SYK: variants seen among roughly 807,000 people sequenced by gnomAD.
SYK encodes the protein tyrosine-protein kinase SYK.
Under a neutral mutation model 77.8 loss-of-function variants are expected in SYK, and 16 were observed. The observed-to-expected ratio is 0.21, with a 90% CI of 0.14 to 0.31. SYK has a LOEUF of 0.31. Among genes scored for constraint, SYK ranks in the 10% least tolerant of loss-of-function variants. The pLI is 1.00. For missense variants in SYK, 529 were observed against 814.4 expected, an observed-to-expected ratio of 0.65 and a Z score of 4.26; for synonymous variants, 312 against 308.7, an observed-to-expected ratio of 1.01 and a Z score of -0.11.
At chr9:90,815,165 G>T (rs1251414316) in intron 1 of SYK, among the ~76,000 whole-genome samples, 2 of 151,954 alleles carry the variant, frequency 1.3e-5, no homozygotes, top group African/African-American at 2.4e-5. Flanking sequence ...TTGAAAAGAA[G>T]ATGTAGAGAG....
intron 1 of SYK, among the ~76,000 whole-genome samples, chr9:90,807,979 T>C (rs914573118): frequency 1.3e-5 from 2 of 152,234 alleles, no homozygotes; most frequent in African/African-American, 2.4e-5. Context: ...ACTTTCTTTT[T>C]ATTAATATGT....
At chr9:90,890,442 A>G (rs978835914) in intron 13 of SYK, among the ~76,000 whole-genome samples, 1 of 152,370 alleles carries the variant, frequency 6.6e-6, no homozygotes, top group African/African-American at 2.4e-5. Context: ...GTAGAGCAGT[A>G]GAACAGTCTC....
chr9:90,865,024 A>G (rs1827427669), intron 5 of SYK, 24 bp from the exon 6 acceptor site: 3 of 1,613,522 alleles, frequency 1.9e-6, no homozygotes, highest in Non-Finnish European at 1.7e-6. Flanking sequence ...TAGAGCAGTA[A>G]TTGTCCATGC....
intron 1 of SYK, among the ~76,000 whole-genome samples, chr9:90,824,787 T>C (rs1189154738): frequency 6.6e-6 from 1 of 150,968 alleles, no homozygotes; most frequent in Non-Finnish European, 1.5e-5. Flanking sequence ...GGTGAGAGAC[T>C]GAACACTGTC....
At chr9:90,833,451 C>T (rs1587834638) in intron 1 of SYK, among the ~76,000 whole-genome samples, 1 of 152,102 alleles carries the variant, frequency 6.6e-6, no homozygotes, top group Non-Finnish European at 1.5e-5. Flanking sequence ...GTCAGGTGGG[C>T]CTATAGAGCT....
chr9:90,887,585 TA>T (rs1327058304), intron 11 of SYK, among the ~76,000 whole-genome samples, 163 bp from the exon 12 acceptor site: 1 of 152,036 alleles, frequency 6.6e-6, no homozygotes, highest in Non-Finnish European at 1.5e-5. Flanking sequence ...TTTGTATTTT[TA>T]ATAGAGATGG....
chr9:90,848,965 G>T (rs573479280), intron 3 of SYK, among the ~76,000 whole-genome samples: 3 of 152,252 alleles, frequency 2.0e-5, no homozygotes, highest in Non-Finnish European at 4.4e-5. Context: ...CCCAGGGAAT[G>T]GCAAATTCGA....
At chr9:90,887,695 G>T in intron 11 of SYK, 54 bp from the exon 12 acceptor site, 13 of 1,549,126 alleles carry the variant, frequency 8.4e-6, no homozygotes, top group Non-Finnish European at 1.1e-5. Flanking sequence ...GAACCAATGT[G>T]CCCGGCCCAC....
At chr9:90,880,239 G>A (rs971399057) in intron 11 of SYK, among the ~76,000 whole-genome samples, 10 of 152,186 alleles carry the variant, frequency 6.6e-5, no homozygotes, top group African/African-American at 2.4e-4. Context: ...ATGGGGAATG[G>A]TGGACCTCGG....
intron 11 of SYK, among the ~76,000 whole-genome samples, chr9:90,881,504 ATCCCG>A (rs1446926575): frequency 6.6e-6 from 1 of 151,948 alleles, no homozygotes; most frequent in Non-Finnish European, 1.5e-5. Flanking sequence ...ACATGGTGAA[ATCCCG>A]TCTCTACTAA....
At chr9:90,838,855 G>T (rs891628114) in intron 1 of SYK, among the ~76,000 whole-genome samples, 9 of 152,210 alleles carry the variant, frequency 5.9e-5, no homozygotes, top group South Asian at 2.1e-4. Flanking sequence ...TTGTGAGTTG[G>T]CAAAAGCATC....
chr9:90,894,315 A>T (rs1828900584), intron 13 of SYK, among the ~76,000 whole-genome samples: 1 of 152,226 alleles, frequency 6.6e-6, no homozygotes, highest in Non-Finnish European at 1.5e-5. Context: ...CTTGGTGGCC[A>T]GAGACAAAGC....
chr9:90,872,178 G>A (rs1178561674), intron 7 of SYK, among the ~76,000 whole-genome samples: 1 of 152,210 alleles, frequency 6.6e-6, no homozygotes, highest in Non-Finnish European at 1.5e-5. Context: ...ATTGGAACAA[G>A]CCATTTGGAA....
At chr9:90,830,353 GC>G (rs960048075) in intron 1 of SYK, among the ~76,000 whole-genome samples, 2 of 152,242 alleles carry the variant, frequency 1.3e-5, no homozygotes, top group Admixed American at 6.5e-5. Flanking sequence ...CAGTGTTGAG[GC>G]CACAGGTCTG....
At chr9:90,855,822 T>C (rs1564097971) in intron 3 of SYK, among the ~76,000 whole-genome samples, 1 of 152,036 alleles carries the variant, frequency 6.6e-6, no homozygotes. Flanking sequence ...TAAGGACTCT[T>C]CCATTTGCAT....
In SYK at chr9:90,866,116, G is replaced by T. The variant is rs547080377; in HGVS notation, c.847-1015G>T. Among the ~76,000 whole-genome samples the T allele has an allele frequency of 6.9e-4, 105 of 152,146 alleles. 1 individual carries two copies. The highest frequency in any genetic ancestry group is 2.5e-3 in the African/African-American group (102 of 41,518). ...GGGTTTCACCCCGTTAGCCAGGATG[G>T]TCTCGATCTCCTAACCTCGTGATCT... On this transcript the variant is annotated intron_variant, in intron 6 of 13. Coordinates refer to ENST00000375754, the MANE Select transcript of SYK (RefSeq NM_003177.7).
chr9:90,865,602 C>T (rs1297292454), intron 6 of SYK, among the ~76,000 whole-genome samples: 2 of 152,184 alleles, frequency 1.3e-5, no homozygotes, highest in Admixed American at 6.5e-5. Flanking sequence ...AGCCACCACA[C>T]TCTGCCTAGC....
At chr9:90,881,517 T>C (rs1828150605) in intron 11 of SYK, among the ~76,000 whole-genome samples, 2 of 151,528 alleles carry the variant, frequency 1.3e-5, no homozygotes, top group Non-Finnish European at 2.9e-5. Context: ...CCGTCTCTAC[T>C]AAAAACACAA....
rs148804305 is a variant in SYK at position 90,870,510 on chromosome 9, C to T, written c.915+3311C>T. Among the ~76,000 whole-genome samples, 1,019 of 152,252 alleles carry T rather than the reference C, an allele frequency of 6.7e-3. 8 individuals are homozygous for T. Among genetic ancestry groups the T allele is most frequent in the Non-Finnish European group, 0.011 (748 of 68,022 alleles). ...GGAAGAGAAAAAAGAAAGAAACATC[C>T]TCAAGTTGTACCCTGTTGCTTGGTA... On this transcript the variant is annotated intron_variant, in intron 7 of 13. Coordinates refer to ENST00000375754, the MANE Select transcript of SYK (RefSeq NM_003177.7).
Sources: allele counts gnomAD v4.1 joint callset (sites outside exome capture counted in the v4.1 genomes callset), GRCh38; gene constraint gnomAD v4.1.1; transcripts MANE v1.5; gene names NCBI Gene and HGNC (gene_info 2026-07-23, HGNC 2026-07-21).